Variants in RALYL observed in about 807,000 individuals in gnomAD.
RALYL encodes the protein RNA-binding Raly-like protein.
Under a neutral mutation model 35.1 loss-of-function variants are expected in RALYL, and 29 were observed. The observed-to-expected ratio is 0.83, with a 90% CI of 0.61 to 1.13. RALYL has a LOEUF of 1.13. Ranked by LOEUF, RALYL falls within the 50% of genes most tolerant of loss-of-function variation. The pLI, the probability that RALYL is intolerant of heterozygous loss-of-function variation, is 0.00. For missense variants in RALYL, 359 were observed against 360.4 expected, an observed-to-expected ratio of 1.00 and a Z score of 0.03; for synonymous variants, 120 against 127.6, an observed-to-expected ratio of 0.94 and a Z score of 0.40.
intron 1 of RALYL, among the ~76,000 whole-genome samples, chr8:84,489,249 T>C (rs1469576455): frequency 1.3e-5 from 2 of 152,092 alleles, no homozygotes; most frequent in South Asian, 2.1e-4. Context: ...TGTGTTATTG[T>C]TGAAATGATG....
intron 1 of RALYL, among the ~76,000 whole-genome samples, chr8:84,500,536 T>G (rs1325649176): frequency 6.6e-6 from 1 of 152,146 alleles, no homozygotes; most frequent in Non-Finnish European, 1.5e-5. Context: ...AGAATCTAGG[T>G]TTTCCTGTTT....
At chr8:84,914,895 T>A (rs6991752) in intron 8 of RALYL, among the ~76,000 whole-genome samples, 1 of 151,958 alleles carries the variant, frequency 6.6e-6, no homozygotes, top group Admixed American at 6.6e-5. Flanking sequence ...ACATAAAGAT[T>A]ATCTGTGCTA....
At chr8:84,342,277 A>AATATATATAGATATATATATATATATAT (rs1848952674) in intron 1 of RALYL, among the ~76,000 whole-genome samples, 1 of 66,114 alleles carries the variant, frequency 1.5e-5, no homozygotes, top group Non-Finnish European at 2.9e-5. Flanking sequence ...AGCATCGTTC[A>AATATATATAGATATATATATATATATAT]ATATATATAT....
At chr8:84,793,811 A>T (rs934933506) in intron 3 of RALYL, among the ~76,000 whole-genome samples, 3 of 152,208 alleles carry the variant, frequency 2.0e-5, no homozygotes, top group Non-Finnish European at 4.4e-5. Context: ...AGGGTGGGAA[A>T]GCTTGGTTAG....
Position 84,808,724 on chromosome 8 carries a change from T to C in RALYL, c.365+3922T>C, listed in dbSNP as rs188562026. On this transcript the variant is annotated intron_variant, in intron 4 of 8. Coordinates refer to ENST00000521268, the MANE Select transcript of RALYL (RefSeq NM_173848.7). ...TTCCTTGTAGAGGTCTTTTGACTCC[T>C]TGGTTAGGTATATTCCTAAGTATTT... Among the ~76,000 whole-genome samples the C allele has an allele frequency of 3.9e-5, 6 of 152,302 alleles. No homozygotes were observed. The East Asian group carries it at 1.2e-3, about 29-fold the overall frequency.
At chr8:84,579,093 G>A (rs1043098701) in intron 2 of RALYL, among the ~76,000 whole-genome samples, 6 of 152,152 alleles carry the variant, frequency 3.9e-5, no homozygotes, top group Admixed American at 3.3e-4. Context: ...ATGTGGAAGG[G>A]TGCCTGCAGG....
chr8:84,774,539 G>A lies in RALYL; in HGVS notation c.257-40G>A, dbSNP rs59162941. 4.2e-3 allele frequency: 5,523 copies of A among 1,310,438 alleles called. 187 individuals are homozygous for A. In the African/African-American group the frequency reaches 0.07, roughly 17 times the overall value. The allele number at this position is 1,310,438 out of a possible 1,614,324, so 81.2% of individuals were successfully genotyped here. A position where few individuals can be genotyped will look rare whatever the true frequency, so the allele number is the denominator to read the frequency against. ...TGATTTACTTTTCTCAGATGGTTTC[G>A]TATTTTCTTAATCAGTACTGTTTTA... On this transcript the variant is annotated intron_variant, in intron 2 of 8. Transcript: ENST00000521268.
At chr8:84,272,115 G>T (rs1834418735) in intron 1 of RALYL, among the ~76,000 whole-genome samples, 1 of 151,758 alleles carries the variant, frequency 6.6e-6, no homozygotes, top group Non-Finnish European at 1.5e-5. Context: ...TTTTGGAGAT[G>T]GAGTTTCACT....
chr8:84,700,681 A>G (rs1840034217), intron 2 of RALYL, among the ~76,000 whole-genome samples: 1 of 152,206 alleles, frequency 6.6e-6, no homozygotes, highest in Non-Finnish European at 1.5e-5. Flanking sequence ...GAATGAAATG[A>G]CAAGATGTTT....
At chr8:84,673,786 T>C (rs1339877443) in intron 2 of RALYL, among the ~76,000 whole-genome samples, 3 of 152,224 alleles carry the variant, frequency 2.0e-5, no homozygotes, top group Non-Finnish European at 4.4e-5. Context: ...TCTAGCCCTG[T>C]AGTATACTTT....
intron 2 of RALYL, among the ~76,000 whole-genome samples, chr8:84,709,614 T>TA (rs142708662): frequency 0.042 from 6,302 of 150,284 alleles, 448 homozygotes; most frequent in African/African-American, 0.15. Context: ...TTCTTTTTTT[T>TA]AAAAAAAAAA....
chr8:84,232,427 T>A (rs1010992305), intron 1 of RALYL, among the ~76,000 whole-genome samples: 3 of 144,524 alleles, frequency 2.1e-5, no homozygotes, highest in African/African-American at 8.8e-5. Flanking sequence ...TAATGAGATA[T>A]CATTTTAGCC....
chr8:84,676,192 C>T (rs111953164), intron 2 of RALYL, among the ~76,000 whole-genome samples: 9 of 152,060 alleles, frequency 5.9e-5, no homozygotes, highest in Non-Finnish European at 1.2e-4. Context: ...TGGATTTTTT[C>T]TGATCCAAGT....
chr8:84,301,958 A>G (rs1228811527), intron 1 of RALYL, among the ~76,000 whole-genome samples: 1 of 152,104 alleles, frequency 6.6e-6, no homozygotes, highest in Non-Finnish European at 1.5e-5. Flanking sequence ...CATTTCTTCA[A>G]TTTAAAAAGT....
At chr8:84,382,118 A>G (rs1465699065) in intron 1 of RALYL, among the ~76,000 whole-genome samples, 1 of 151,034 alleles carries the variant, frequency 6.6e-6, no homozygotes, top group Non-Finnish European at 1.5e-5. Flanking sequence ...TTCCTCTATG[A>G]TTGAGAAAAT....
At chr8:84,849,250 G>T (rs932754817) in intron 4 of RALYL, among the ~76,000 whole-genome samples, 8 of 152,158 alleles carry the variant, frequency 5.3e-5, no homozygotes, top group Non-Finnish European at 8.8e-5. Flanking sequence ...GGTATTGTTG[G>T]TAAGACAGCC....
chr8:84,624,275 A>G (rs1822228129), intron 2 of RALYL, among the ~76,000 whole-genome samples: 1 of 152,216 alleles, frequency 6.6e-6, no homozygotes, highest in Non-Finnish European at 1.5e-5. Flanking sequence ...GCTGCTAGAA[A>G]CAACCCAAGT....
At chr8:84,778,058 A>C (rs532492752) in intron 3 of RALYL, among the ~76,000 whole-genome samples, 1 of 152,300 alleles carries the variant, frequency 6.6e-6, no homozygotes, top group Non-Finnish European at 1.5e-5. Context: ...TAGGGACTGT[A>C]ATAGTGCTTT....
intron 4 of RALYL, among the ~76,000 whole-genome samples, chr8:84,827,200 G>T (rs1018800721): frequency 1.3e-5 from 2 of 152,064 alleles, no homozygotes; most frequent in Non-Finnish European, 2.9e-5. Flanking sequence ...TGCTCCAGGG[G>T]TTCAATATCA....
Sources: gnomAD v4.1 joint callset for allele counts (sites outside exome capture counted in the v4.1 genomes callset) on GRCh38, gnomAD v4.1.1 for gene constraint, MANE v1.5 for transcripts, NCBI Gene and HGNC (gene_info 2026-07-23, HGNC 2026-07-21) for gene names.